SLCO5A1: variants seen among roughly 807,000 people sequenced by gnomAD.
The protein encoded by SLCO5A1 is organic anion transporter polypeptide-related protein 4.
SLCO5A1 carries 39 observed loss-of-function variants against 65.1 expected under a neutral mutation model. The observed-to-expected ratio is 0.60, with a 90% CI of 0.46 to 0.78. The LOEUF is 0.78. Ranked by LOEUF, SLCO5A1 falls within the 30% of genes least tolerant of loss-of-function variation. The pLI, the probability that SLCO5A1 is intolerant of heterozygous loss-of-function variation, is 0.00. For missense variants in SLCO5A1, 1,029 were observed against 1,069.4 expected (o/e 0.96, Z 0.53); for synonymous variants, 438 against 415.7 (o/e 1.05, Z -0.65).
chr8:69,745,670 T>C (rs1459635754), intron 4 of SLCO5A1, among the ~76,000 whole-genome samples: 1 of 152,182 alleles, frequency 6.6e-6, no homozygotes, highest in Non-Finnish European at 1.5e-5. Flanking sequence ...GCCCAGGCAG[T>C]TTATTTTCCT....
rs542492882 is a variant in SLCO5A1 at position 69,768,833 on chromosome 8, T to A, written c.908-6958A>T. ...GGGACACAATTCAGTCCCTAGCAGA[T>A]ACCAACCCAACTGAAGCCATATCAT... On this transcript the variant is annotated intron_variant, in intron 2 of 9. Transcript: ENST00000260126. 2.1e-4 allele frequency among the ~76,000 whole-genome samples: 32 copies of A among 152,270 alleles called. 1 individual carries two copies. In the South Asian group the frequency reaches 6.6e-3, roughly 32 times the overall value.
intron 3 of SLCO5A1, among the ~76,000 whole-genome samples, chr8:69,756,121 CACTT>C (rs1817532671): frequency 1.3e-5 from 2 of 152,070 alleles, no homozygotes; most frequent in Non-Finnish European, 2.9e-5. Context: ...TTTCTGCAAA[CACTT>C]AAGAATGTAT....
chr8:69,817,908 C>G (rs1820470563), intron 2 of SLCO5A1, among the ~76,000 whole-genome samples: 1 of 152,190 alleles, frequency 6.6e-6, no homozygotes, highest in South Asian at 2.1e-4. Context: ...TTTTTCCCCA[C>G]CAAGGGGCCT....
At chr8:69,808,956 T>A (rs189996977) in intron 2 of SLCO5A1, among the ~76,000 whole-genome samples, 1 of 151,540 alleles carries the variant, frequency 6.6e-6, no homozygotes, top group African/African-American at 2.4e-5. Flanking sequence ...AATACAAAAT[T>A]AGCCAGGCAT....
chr8:69,810,228 G>C (rs1448550665), intron 2 of SLCO5A1, among the ~76,000 whole-genome samples: 2 of 152,302 alleles, frequency 1.3e-5, no homozygotes, highest in East Asian at 3.9e-4. Context: ...AAAAGTCGCA[G>C]CTAAGATCCA....
chr8:69,734,182 A>G (rs550881515), intron 5 of SLCO5A1, among the ~76,000 whole-genome samples: 3 of 152,252 alleles, frequency 2.0e-5, no homozygotes, highest in South Asian at 2.1e-4. Context: ...AAGGTCCCTG[A>G]GCAGATTTCC....
chr8:69,746,569 G>A (rs572953585), intron 4 of SLCO5A1, among the ~76,000 whole-genome samples: 3 of 152,210 alleles, frequency 2.0e-5, no homozygotes, highest in Admixed American at 6.5e-5. Flanking sequence ...AAAATACAGG[G>A]TGCTTTGCAA....
chr8:69,813,613 A>G (rs190510813), intron 2 of SLCO5A1, among the ~76,000 whole-genome samples: 99 of 152,298 alleles, frequency 6.5e-4, no homozygotes, highest in African/African-American at 2.2e-3. Flanking sequence ...CAGCTGTCCT[A>G]CGACATCTCT....
At chr8:69,755,813 G>A (rs1363819756) in intron 3 of SLCO5A1, among the ~76,000 whole-genome samples, 172 bp from the exon 4 acceptor site, 4 of 152,174 alleles carry the variant, frequency 2.6e-5, no homozygotes, top group African/African-American at 9.7e-5. Context: ...CTCTCTTTCT[G>A]TGATATAAAT....
At chr8:69,747,202 T>C (rs1427454487) in intron 4 of SLCO5A1, among the ~76,000 whole-genome samples, 2 of 152,210 alleles carry the variant, frequency 1.3e-5, no homozygotes, top group African/African-American at 4.8e-5. Context: ...AGTAATTTAT[T>C]CTACCAGCGG....
Position 69,832,656 on chromosome 8 carries a change from T to A in SLCO5A1, c.18A>T (p.Gly6=). The A allele has an allele frequency of 6.2e-7, 1 of 1,602,636 alleles. No individual in the cohort carries two copies. ...GCTGCTCTCCCGCCCCGGGCTGCAG[T>A]CCAGTGCCTTCGTCCATGGCGCTTA... is the stretch of plus-strand genomic sequence containing the variant. MDEGT[G]LQPGAGEQLE... is the part of the protein sequence containing the mutation. Residue 6 remains glycine (G), a synonymous_variant, in exon 2 of 10, where the codon GGA becomes GGT. Coordinates refer to ENST00000260126, the MANE Select transcript of SLCO5A1 (RefSeq NM_030958.3). The surrounding 1 kb of genome is among the most constrained non-coding windows in gnomAD (Gnocchi z 4.5).
At chr8:69,803,586 G>A (rs1050850759) in intron 2 of SLCO5A1, among the ~76,000 whole-genome samples, 4 of 152,168 alleles carry the variant, frequency 2.6e-5, no homozygotes, top group Non-Finnish European at 5.9e-5. Context: ...TTAGCATAGC[G>A]TCACTGGACC....
At chr8:69,685,986 T>C (rs992879696) in intron 6 of SLCO5A1, among the ~76,000 whole-genome samples, 2 of 152,236 alleles carry the variant, frequency 1.3e-5, no homozygotes, top group African/African-American at 4.8e-5. Flanking sequence ...AAAAATCACA[T>C]TCACACCACA....
At chr8:69,773,732 C>T (rs1245989052) in intron 2 of SLCO5A1, among the ~76,000 whole-genome samples, 2 of 152,194 alleles carry the variant, frequency 1.3e-5, no homozygotes, top group African/African-American at 4.8e-5. Context: ...TCCTGATAGC[C>T]TGTCATTCAT....
intron 5 of SLCO5A1, among the ~76,000 whole-genome samples, chr8:69,730,988 A>G (rs1816311630): frequency 6.6e-6 from 1 of 151,430 alleles, no homozygotes; most frequent in South Asian, 2.1e-4. Context: ...AGGTTGGTGC[A>G]AAAGTAATTG....
intron 5 of SLCO5A1, 74 bp from the exon 6 acceptor site, chr8:69,705,303 G>C (rs1028567929): frequency 1.7e-5 from 25 of 1,463,374 alleles, no homozygotes; most frequent in Non-Finnish European, 2.2e-5. Context: ...TCTGTCTCTT[G>C]CTCAGTAGTA....
chr8:69,747,385 A>T (rs1817081470), intron 4 of SLCO5A1, among the ~76,000 whole-genome samples: 1 of 152,024 alleles, frequency 6.6e-6, no homozygotes, highest in Non-Finnish European at 1.5e-5. Context: ...TGGATTCTGC[A>T]TCCATGGATT....
intron 5 of SLCO5A1, among the ~76,000 whole-genome samples, chr8:69,728,619 C>T (rs1442687836): frequency 2.6e-5 from 4 of 152,038 alleles, no homozygotes; most frequent in African/African-American, 7.2e-5. Flanking sequence ...TAGTATTTTA[C>T]GATTAACTTC....
Position 69,832,796 on chromosome 8 carries a change from G to T in SLCO5A1, c.-123C>A, listed in dbSNP as rs939789262. The T allele has an allele frequency of 3.6e-6, 4 of 1,097,448 alleles. No individual in the cohort carries two copies. Among genetic ancestry groups the T allele is most frequent in the Admixed American group, 2.9e-5 (1 of 34,908 alleles). The allele number at this position is 1,097,448 out of a possible 1,614,324, so 68.0% of individuals were successfully genotyped here. On this transcript the variant is annotated 5_prime_UTR_variant, in exon 2 of 10. Coordinates refer to ENST00000260126, the MANE Select transcript of SLCO5A1 (RefSeq NM_030958.3). This position sits in a 1 kb window ranked among gnomAD's most constrained non-coding sequence, Gnocchi z 4.5. ...TGCCCACCTGGGACTGGGGCTGGGG[G>T]CGCAGGGCCGCGCAGCAGGGCATCC...
Sources: gnomAD v4.1 joint callset for allele counts (sites outside exome capture counted in the v4.1 genomes callset) on GRCh38, gnomAD v4.1.1 for gene constraint, Gnocchi (gnomAD v3.1) non-coding constraint, MANE v1.5 for transcripts, NCBI Gene and HGNC (gene_info 2026-07-23, HGNC 2026-07-21) for gene names.